The following NKAIN2 variants were observed in gnomAD, a reference collection of about 807,000 sequenced individuals.
NKAIN2 encodes the protein sodium/potassium-transporting ATPase subunit beta-1-interacting protein 2.
Under a neutral mutation model 32.6 loss-of-function variants are expected in NKAIN2, and 14 were observed. The ratio of observed to expected loss-of-function variants is 0.43; its 90% confidence interval spans 0.28 to 0.67. The LOEUF (loss-of-function observed/expected upper bound fraction) is 0.67, where lower values mean the gene tolerates loss of function less well. Ranked by LOEUF, NKAIN2 falls within the 30% of genes least tolerant of loss-of-function variation. The pLI, the probability that NKAIN2 is intolerant of heterozygous loss-of-function variation, is 0.17. For missense variants in NKAIN2, 198 were observed against 258.3 expected, an observed-to-expected ratio of 0.77 and a Z score of 1.60; for synonymous variants, 80 against 87.2, an observed-to-expected ratio of 0.92 and a Z score of 0.46.
chr6:123,834,065 C>G (rs1410024428), intron 1 of NKAIN2, among the ~76,000 whole-genome samples: 1 of 151,882 alleles, frequency 6.6e-6, no homozygotes, highest in Non-Finnish European at 1.5e-5. Flanking sequence ...TTGTTCATAG[C>G]TGGTATGTAA....
chr6:124,601,382 G>A (rs553429709), intron 3 of NKAIN2, among the ~76,000 whole-genome samples: 1 of 152,170 alleles, frequency 6.6e-6, no homozygotes, highest in South Asian at 2.1e-4. Context: ...TGCTACTGAA[G>A]TACTGGATTA....
intron 1 of NKAIN2, among the ~76,000 whole-genome samples, chr6:124,058,471 A>C (rs1329074797): frequency 6.6e-6 from 1 of 152,178 alleles, no homozygotes; most frequent in African/African-American, 2.4e-5. Flanking sequence ...GACACTCTTA[A>C]GCTTCTTAGA....
chr6:123,804,151 G>C lies in NKAIN2; in HGVS notation c.-50G>C, dbSNP rs1274751461. 2 of 1,563,040 alleles carry C rather than the reference G, an allele frequency of 1.3e-6. No individual in the cohort carries two copies. Among genetic ancestry groups the C allele is most frequent in the Non-Finnish European group, 8.8e-7 (1 of 1,133,708 alleles). On this transcript the variant is annotated 5_prime_UTR_variant, in exon 1 of 7. Transcript: ENST00000368417. ...ATCTGATTGGATAAAGTGGGGGCTCGACGGTGGCCGACGTGGGACAGTCTG... is the reference window on the plus strand; with the variant it reads ...ATCTGATTGGATAAAGTGGGGGCTCCACGGTGGCCGACGTGGGACAGTCTG...
At chr6:124,091,827 A>G (rs1000106048) in intron 1 of NKAIN2, among the ~76,000 whole-genome samples, 26 of 151,958 alleles carry the variant, frequency 1.7e-4, no homozygotes, top group African/African-American at 6.3e-4. Flanking sequence ...TACCTGGTCT[A>G]TGAAATCTTC....
At chr6:123,824,507 C>G (rs1291280948) in intron 1 of NKAIN2, among the ~76,000 whole-genome samples, 3 of 152,036 alleles carry the variant, frequency 2.0e-5, no homozygotes, top group African/African-American at 7.2e-5. Context: ...AGGGTACCAT[C>G]AGCTCCTATG....
At chr6:124,783,700 TA>T (rs1277441881) in intron 4 of NKAIN2, among the ~76,000 whole-genome samples, 1 of 152,196 alleles carries the variant, frequency 6.6e-6, no homozygotes, top group Admixed American at 6.6e-5. Context: ...ATACTTCATA[TA>T]AAGACCTTCA....
At chr6:124,587,556 A>G (rs1781755421) in intron 3 of NKAIN2, among the ~76,000 whole-genome samples, 2 of 152,146 alleles carry the variant, frequency 1.3e-5, no homozygotes, top group South Asian at 4.1e-4. Flanking sequence ...CTGATACCAG[A>G]TAATGTAGTG....
At chr6:124,573,510 G>A (rs957585903) in intron 3 of NKAIN2, among the ~76,000 whole-genome samples, 1 of 151,366 alleles carries the variant, frequency 6.6e-6, no homozygotes, top group Non-Finnish European at 1.5e-5. Flanking sequence ...TCTTCTTGGT[G>A]GTGGAGCCTT....
chr6:124,792,284 C>G (rs1393150383), intron 5 of NKAIN2, among the ~76,000 whole-genome samples: 1 of 151,942 alleles, frequency 6.6e-6, no homozygotes, highest in Non-Finnish European at 1.5e-5. Flanking sequence ...AGGGAAACAT[C>G]CAAAGATAAA....
At chr6:124,660,292 T>C (rs1015145893) in intron 4 of NKAIN2, among the ~76,000 whole-genome samples, 1 of 152,188 alleles carries the variant, frequency 6.6e-6, no homozygotes, top group Non-Finnish European at 1.5e-5. Context: ...TATATGACTA[T>C]TTATAGAGTT....
rs1250253072 is a variant in NKAIN2, at chr6:124,824,508, C to A, written c.*1279C>A. 2 of 152,014 alleles carry A rather than the reference C, an allele frequency of 1.3e-5. No homozygotes were observed. Among genetic ancestry groups the A allele is most frequent in the Non-Finnish European group, 1.5e-5 (1 of 67,990 alleles). 9.4% of individuals were successfully genotyped at this position (152,014 alleles called of 1,614,324 possible). A position where few individuals can be genotyped will look rare whatever the true frequency, so the allele number is the denominator to read the frequency against. ...TGTTAACGTAGTTGGCAACAAGATG[C>A]CTTTGGAAACTTAATAGTAGGTCAA... On this transcript the variant is annotated 3_prime_UTR_variant, in exon 7 of 7. Coordinates refer to ENST00000368417, the MANE Select transcript of NKAIN2 (RefSeq NM_001040214.3).
intron 1 of NKAIN2, among the ~76,000 whole-genome samples, chr6:123,941,410 G>A (rs1776816013): frequency 6.6e-6 from 1 of 151,462 alleles, no homozygotes; most frequent in African/African-American, 2.4e-5. Flanking sequence ...TGTATTTGTT[G>A]TATTTTTGTC....
At chr6:124,383,210 T>G (rs1433125755) in intron 3 of NKAIN2, among the ~76,000 whole-genome samples, 2 of 152,134 alleles carry the variant, frequency 1.3e-5, no homozygotes, top group Admixed American at 1.3e-4. Context: ...TTGCTAGAAA[T>G]AATATCCATC....
intron 2 of NKAIN2, among the ~76,000 whole-genome samples, chr6:124,353,754 CA>C (rs35531198): frequency 4.1e-5 from 6 of 145,572 alleles, no homozygotes; most frequent in African/African-American, 7.6e-5. Flanking sequence ...GACTCCGTCT[CA>C]AAAAAAAAAG....
At chr6:124,609,824 C>T (rs1042495753) in intron 3 of NKAIN2, among the ~76,000 whole-genome samples, 10 of 152,212 alleles carry the variant, frequency 6.6e-5, no homozygotes, top group South Asian at 6.2e-4. Context: ...GCTACGACGC[C>T]GGGGCCAGAC....
At chr6:124,528,773 G>A (rs959084423) in intron 3 of NKAIN2, among the ~76,000 whole-genome samples, 6 of 152,080 alleles carry the variant, frequency 3.9e-5, no homozygotes, top group African/African-American at 9.7e-5. Context: ...CAAGTGAAAA[G>A]ATAAACTGAT....
intron 1 of NKAIN2, among the ~76,000 whole-genome samples, chr6:123,875,719 A>G (rs1036935243): frequency 3.4e-4 from 52 of 152,118 alleles, no homozygotes; most frequent in African/African-American, 1.3e-3. Context: ...AAGCTGGAAA[A>G]TATCTACTTG....
intron 3 of NKAIN2, among the ~76,000 whole-genome samples, chr6:124,531,179 C>A (rs72973807): frequency 6.6e-6 from 1 of 152,326 alleles, no homozygotes; most frequent in Non-Finnish European, 1.5e-5. Context: ...CTGTTCTCAG[C>A]CTTCCAGTCT....
chr6:124,238,706 T>C (rs946371212), intron 1 of NKAIN2, among the ~76,000 whole-genome samples: 1 of 152,032 alleles, frequency 6.6e-6, no homozygotes, highest in Non-Finnish European at 1.5e-5. Context: ...AGAAATAAAA[T>C]CCTTTAGAGA....
Sources: allele counts gnomAD v4.1 joint callset (sites outside exome capture counted in the v4.1 genomes callset), GRCh38; gene constraint gnomAD v4.1.1; transcripts MANE v1.5; gene names NCBI Gene and HGNC (gene_info 2026-07-23, HGNC 2026-07-21).